Variants in TRMT11 observed in about 807,000 individuals in gnomAD.
TRMT11 encodes tRNA methyltransferase 11.
Under a neutral mutation model 62.8 loss-of-function variants are expected in TRMT11, and 53 were observed. The observed-to-expected ratio is 0.84, with a 90% confidence interval of 0.68 to 1.06. TRMT11 has a LOEUF of 1.06. TRMT11 is among the 50% of genes least tolerant of loss of function. The pLI is 0.00. For synonymous variants in TRMT11, 188 were observed against 190.3 expected, an observed-to-expected ratio of 0.99 and a Z score of 0.10; for missense variants, 556 against 553.4, an observed-to-expected ratio of 1.00 and a Z score of -0.05.
intron 21 of TRMT11, among the ~76,000 whole-genome samples, chr6:126,153,193 T>C (rs190797893): frequency 6.6e-6 from 1 of 152,348 alleles, no homozygotes; most frequent in East Asian, 1.9e-4. Context: ...AAGAAGGCTA[T>C]AACATTTATG....
At chr6:126,206,548 A>G (rs944459720), downstream of TRMT11, among the ~76,000 whole-genome samples, 3 of 152,232 alleles carry the variant, frequency 2.0e-5, no homozygotes, top group Non-Finnish European at 4.4e-5. Context: ...AATACAATAT[A>G]AAAACATTTA....
intron 17 of TRMT11, among the ~76,000 whole-genome samples, chr6:126,062,410 T>C (rs1168898082): frequency 6.6e-6 from 1 of 152,256 alleles, no homozygotes. Flanking sequence ...CTTGAGGTAC[T>C]TTATTGTAAT....
chr6:126,023,073 T>C (rs1295171654), intron 12 of TRMT11, among the ~76,000 whole-genome samples: 2 of 152,236 alleles, frequency 1.3e-5, no homozygotes, highest in Admixed American at 6.5e-5. Context: ...ATGATTTTAC[T>C]GGACTTTGCT....
At chr6:126,089,024 C>G (rs1275979154) in intron 17 of TRMT11, among the ~76,000 whole-genome samples, 1 of 151,912 alleles carries the variant, frequency 6.6e-6, no homozygotes, top group Non-Finnish European at 1.5e-5. Context: ...ATTTACAGAC[C>G]AATATCACCT....
chr6:126,253,776 A>C, the TRMT11 span, among the ~76,000 whole-genome samples: 1 of 152,238 alleles, frequency 6.6e-6, no homozygotes, highest in African/African-American at 2.4e-5. Flanking sequence ...TCCCCTAGTC[A>C]GGAGACTACA....
At chr6:126,253,761 G>C in the TRMT11 span, among the ~76,000 whole-genome samples, 1 of 152,180 alleles carries the variant, frequency 6.6e-6, no homozygotes, top group Non-Finnish European at 1.5e-5. Flanking sequence ...AAATTGACTA[G>C]GCTATCCCCT....
At chr6:126,226,734 T>A in the TRMT11 span, among the ~76,000 whole-genome samples, 1 of 152,244 alleles carries the variant, frequency 6.6e-6, no homozygotes, top group Non-Finnish European at 1.5e-5. Flanking sequence ...TTAAAAATTC[T>A]GTATTCCTCA....
At chr6:125,998,819 A>T in intron 6 of TRMT11, 135 bp downstream of exon 6, 1 of 794,812 alleles carries the variant, frequency 1.3e-6, no homozygotes, top group South Asian at 2.3e-5. Flanking sequence ...ATTGGTGAAG[A>T]GTATGTGATT....
chr6:126,086,029 A>G (rs1777213657), intron 17 of TRMT11, among the ~76,000 whole-genome samples: 1 of 152,178 alleles, frequency 6.6e-6, no homozygotes, highest in Admixed American at 6.5e-5. Context: ...ATGAATGAGA[A>G]GTGGTATCAG....
chr6:126,257,809 A>G, the TRMT11 span: 1 of 747,182 alleles, frequency 1.3e-6, no homozygotes, highest in Non-Finnish European at 2.3e-6. Context: ...GCAGGGGAAG[A>G]GACCTGCTCA....
chr6:126,257,971 G>T, the TRMT11 span: 1 of 1,562,760 alleles, frequency 6.4e-7, no homozygotes, highest in South Asian at 1.1e-5. Flanking sequence ...ATCTTGTCCA[G>T]CAGGTCAGGG....
chr6:126,174,732 C>G (rs886129306), upstream of TRMT11, among the ~76,000 whole-genome samples: 8 of 152,140 alleles, frequency 5.3e-5, no homozygotes, highest in African/African-American at 1.7e-4. Context: ...GTCTACATCC[C>G]CACCCTGAAT....
intron 17 of TRMT11, among the ~76,000 whole-genome samples, chr6:126,108,870 A>G (rs903209100): frequency 2.0e-5 from 3 of 152,044 alleles, no homozygotes; most frequent in African/African-American, 7.2e-5. Flanking sequence ...GGGTCATTTG[A>G]CCCTTCTGAT....
intron 17 of TRMT11, among the ~76,000 whole-genome samples, chr6:126,086,722 T>G (rs1777220618): frequency 6.6e-6 from 1 of 152,184 alleles, no homozygotes; most frequent in African/African-American, 2.4e-5. Context: ...CCTGTTCACT[T>G]CTTTGTCTTA....
chr6:125,988,945 A>G (rs763400709), intron 1 of TRMT11, among the ~76,000 whole-genome samples: 6 of 152,080 alleles, frequency 3.9e-5, no homozygotes, highest in Non-Finnish European at 7.4e-5. Flanking sequence ...GTTGGTGAAG[A>G]GGATTGGAAA....
chr6:126,147,628 G>A (rs1212464589), intron 21 of TRMT11, among the ~76,000 whole-genome samples: 3 of 152,152 alleles, frequency 2.0e-5, no homozygotes, highest in Non-Finnish European at 4.4e-5. Context: ...CGTCCCTGCG[G>A]TACCTTACCT....
chr6:126,209,017 T>C, the TRMT11 span, among the ~76,000 whole-genome samples: 3 of 152,180 alleles, frequency 2.0e-5, no homozygotes, highest in Admixed American at 6.5e-5. Flanking sequence ...GACAATATGC[T>C]TGCCATAGTG....
chr6:125,998,266 A>G lies in TRMT11; in HGVS notation c.338A>G (p.His113Arg), dbSNP rs1791923194. Residue 113 changes from histidine to arginine, a missense_variant, in exon 5 of 13, where the codon CAC (histidine) becomes CGC (arginine). His to Arg is a conservative substitution (Grantham distance 29). Coordinates refer to ENST00000334379, the MANE Select transcript of TRMT11 (RefSeq NM_001031712.3). ...GACTCTACATATAAAATAAAGATTC[A>G]CACTTTTAATAAGACATTGACACAA... Reference protein sequence around the residue: ...HSDSTYKIKIHTFNKTLTQEE... With the variant: ...HSDSTYKIKIRTFNKTLTQEE... 1.2e-6 allele frequency: 2 copies of G among 1,602,950 alleles called. No homozygotes were observed. Among genetic ancestry groups the G allele is most frequent in the African/African-American group, 2.7e-5 (2 of 74,634 alleles).
chr6:126,037,192 A>T (rs1157727877), intron 12 of TRMT11, among the ~76,000 whole-genome samples: 3 of 151,928 alleles, frequency 2.0e-5, no homozygotes, highest in African/African-American at 7.2e-5. Flanking sequence ...TTTAGAGTCA[A>T]ACAGATCTGT....
Sources: allele counts gnomAD v4.1 joint callset (sites outside exome capture counted in the v4.1 genomes callset), GRCh38; gene constraint gnomAD v4.1.1; transcripts MANE v1.5; gene names NCBI Gene and HGNC (gene_info 2026-07-23, HGNC 2026-07-21).